GYS2: variants seen among roughly 807,000 people sequenced by gnomAD.
GYS2 encodes glycogen [starch] synthase, liver.
Under a neutral mutation model 85.6 loss-of-function variants are expected in GYS2, and 80 were observed. The observed-to-expected ratio is 0.93, with a 90% CI of 0.78 to 1.13. The LOEUF is 1.13. GYS2 is among the 50% of genes most tolerant of loss of function. The pLI, the probability that GYS2 is intolerant of heterozygous loss-of-function variation, is 0.00. For synonymous variants in GYS2, 328 were observed against 300.7 expected, an observed-to-expected ratio of 1.09 and a Z score of -0.94; for missense variants, 881 against 854.9, an observed-to-expected ratio of 1.03 and a Z score of -0.38.
intron 4 of GYS2, 38 bp from the exon 5 acceptor site, chr12:21,569,047 A>C: frequency 1.9e-6 from 3 of 1,607,606 alleles, no homozygotes; most frequent in African/African-American, 1.3e-5. Context: ...TTTGCTAACA[A>C]TGGCCCTTCT....
Position 21,576,042 on chromosome 12 carries a change from A to G in GYS2, c.319T>C (p.Trp107Arg). The G allele has an allele frequency of 6.2e-7, 1 of 1,612,810 alleles. No individual in the cohort carries two copies. The highest frequency in any genetic ancestry group is 1.3e-5 in the African/African-American group (1 of 75,034). ...KHGCQVHFGRWLIEGSPYVVL... is the reference protein window; with the variant it reads ...KHGCQVHFGRRLIEGSPYVVL... ...ACATAAGGACTTCCTTCTATCAGCC[A>G]TCTTCCAAAATGCACCTGTCATATA... The change falls in exon 3 of 16, where the codon TGG becomes CGG. Residue 107 changes from tryptophan (W) to arginine (R), a missense_variant. Physicochemically the swap from Trp to Arg is moderately radical, Grantham distance 101. Transcript: ENST00000261195.
chr12:21,546,874 G>C (rs774407147), intron 11 of GYS2, among the ~76,000 whole-genome samples: 13 of 152,138 alleles, frequency 8.5e-5, no homozygotes, highest in Non-Finnish European at 1.6e-4. Context: ...CTGTGTAACA[G>C]ACCACTCTTA....
At chr12:21,601,752 A>G (rs576631057) in intron 1 of GYS2, among the ~76,000 whole-genome samples, 59 of 152,196 alleles carry the variant, frequency 3.9e-4, no homozygotes, top group South Asian at 2.3e-3. Flanking sequence ...AAATTTGTCA[A>G]TTCTTGAAGA....
At position 21,539,339 on chromosome 12, in the gene GYS2, C is replaced by A. The variant is rs761710422; in HGVS notation, c.1810-1G>T. ...TCAGGTGTCTGGCATGCTGGTAATACTATTGATAGAAAGCCAAATCACAGG... is the reference window on the plus strand; with the variant it reads ...TCAGGTGTCTGGCATGCTGGTAATAATATTGATAGAAAGCCAAATCACAGG... On this transcript the variant is annotated splice_acceptor_variant, in intron 14 of 15. Transcript: ENST00000261195. LOFTEE classifies it high-confidence loss of function. 6 of 1,583,904 alleles carry A rather than the reference C, an allele frequency of 3.8e-6. No homozygotes were observed. The highest frequency in any genetic ancestry group is 4.3e-6 in the Non-Finnish European group (5 of 1,152,796).
At chr12:21,575,827 T>C (rs1455584368) in intron 3 of GYS2, 39 bp downstream of exon 3, 1 of 1,472,954 alleles carries the variant, frequency 6.8e-7, no homozygotes, top group Admixed American at 1.7e-5. Context: ...AAAGCAGTTG[T>C]GCTGCTCCTC....
At chr12:21,539,067 G>T (rs188030762) in intron 15 of GYS2, among the ~76,000 whole-genome samples, 191 bp downstream of exon 15, 1 of 152,204 alleles carries the variant, frequency 6.6e-6, no homozygotes, top group Non-Finnish European at 1.5e-5. Flanking sequence ...CTTCTCCAAT[G>T]AGATGAATTA....
At chr12:21,571,490 CAATAA>C (rs1204185716) in intron 4 of GYS2, among the ~76,000 whole-genome samples, 1 of 152,064 alleles carries the variant, frequency 6.6e-6, no homozygotes, top group Non-Finnish European at 1.5e-5. Flanking sequence ...ACATATTAAT[CAATAA>C]AACACAGTCC....
chr12:21,538,880 G>A (rs1943939917), intron 15 of GYS2, among the ~76,000 whole-genome samples: 1 of 152,136 alleles, frequency 6.6e-6, no homozygotes, highest in South Asian at 2.1e-4. Context: ...CTGGGGTGCT[G>A]AACTTACTCT....
chr12:21,591,855 G>GA (rs148049484), intron 1 of GYS2, among the ~76,000 whole-genome samples: 7 of 151,906 alleles, frequency 4.6e-5, no homozygotes, highest in Admixed American at 2.0e-4. Flanking sequence ...AATAGTGAAA[G>GA]AAAAAAATGA....
chr12:21,578,341 C>G (rs529722439), intron 2 of GYS2, among the ~76,000 whole-genome samples: 1 of 152,246 alleles, frequency 6.6e-6, no homozygotes, highest in African/African-American at 2.4e-5. Context: ...TTAATTCAAT[C>G]ACTTTTACAA....
chr12:21,534,085 A>G (rs562380663), downstream of GYS2, among the ~76,000 whole-genome samples: 1 of 152,322 alleles, frequency 6.6e-6, no homozygotes, highest in Admixed American at 6.5e-5. Flanking sequence ...TAGGATTTCA[A>G]TACAGACGGG....
At chr12:21,555,218 T>A (rs1322176842) in intron 11 of GYS2, among the ~76,000 whole-genome samples, 1 of 152,122 alleles carries the variant, frequency 6.6e-6, no homozygotes, top group Non-Finnish European at 1.5e-5. Flanking sequence ...TATATGAGAA[T>A]GAGGCCTAGT....
At chr12:21,563,758 T>C (rs58813532) in intron 5 of GYS2, among the ~76,000 whole-genome samples, 3,404 of 152,236 alleles carry the variant, frequency 0.022, 134 homozygotes, top group African/African-American at 0.078. Flanking sequence ...AGGTGGAAAC[T>C]CAGGCACAGA....
intron 11 of GYS2, among the ~76,000 whole-genome samples, chr12:21,552,315 C>T (rs898711920): frequency 6.6e-6 from 1 of 152,246 alleles, no homozygotes; most frequent in Non-Finnish European, 1.5e-5. Flanking sequence ...GGGCTTTCCT[C>T]ACCACACTAC....
chr12:21,573,352 T>G (rs899490363), intron 4 of GYS2, among the ~76,000 whole-genome samples: 1 of 152,154 alleles, frequency 6.6e-6, no homozygotes, highest in African/African-American at 2.4e-5. Context: ...CCTAGAGTAC[T>G]AAATAGATTT....
downstream of GYS2, among the ~76,000 whole-genome samples, chr12:21,534,465 C>T (rs1198252991): frequency 6.6e-6 from 1 of 151,116 alleles, no homozygotes; most frequent in Non-Finnish European, 1.5e-5. Context: ...TGCAGTGAGC[C>T]AAGATGACAC....
intron 7 of GYS2, among the ~76,000 whole-genome samples, chr12:21,561,752 T>C (rs1251498539): frequency 6.6e-6 from 1 of 152,220 alleles, no homozygotes; most frequent in African/African-American, 2.4e-5. Flanking sequence ...TAAGGTTATT[T>C]AAGAATAATC....
chr12:21,541,459 C>G (rs1943975632), intron 13 of GYS2, among the ~76,000 whole-genome samples: 1 of 151,686 alleles, frequency 6.6e-6, no homozygotes, highest in Non-Finnish European at 1.5e-5. Flanking sequence ...AAAATAATAA[C>G]AGTAATGATA....
intron 12 of GYS2, among the ~76,000 whole-genome samples, chr12:21,545,952 A>G (rs1195269485): frequency 1.3e-5 from 2 of 152,218 alleles, no homozygotes; most frequent in Admixed American, 6.5e-5. Context: ...TTTTTAAAGA[A>G]CAACATTGCT....
Sources: gnomAD v4.1 joint callset for allele counts (sites outside exome capture counted in the v4.1 genomes callset) on GRCh38, gnomAD v4.1.1 for gene constraint, MANE v1.5 for transcripts, NCBI Gene and HGNC (gene_info 2026-07-23, HGNC 2026-07-21) for gene names.